Variants in TNFSF4 observed in about 807,000 individuals in gnomAD.
The protein encoded by TNFSF4 is tumor necrosis factor ligand superfamily member 4.
In TNFSF4, 4 loss-of-function variants were observed where a neutral mutation model predicts 7.3. The observed-to-expected ratio is 0.55, with a 90% CI of 0.27 to 1.25. TNFSF4 has a LOEUF of 1.25. TNFSF4 is among the 50% of genes most tolerant of loss of function. The pLI, the probability that TNFSF4 is intolerant of heterozygous loss-of-function variation, is 0.12. For missense variants in TNFSF4, 181 were observed against 208.8 expected (o/e 0.87, Z 0.82); for synonymous variants, 76 against 83.7 (o/e 0.91, Z 0.50).
At chr1:173,313,716 T>C in the TNFSF4 span, among the ~76,000 whole-genome samples, 4 of 152,188 alleles carry the variant, frequency 2.6e-5, no homozygotes, top group Admixed American at 2.0e-4. Context: ...GACTTGTCAA[T>C]TTTCATTACT....
the TNFSF4 span, among the ~76,000 whole-genome samples, chr1:173,311,205 T>C: frequency 4.9e-4 from 75 of 152,154 alleles, no homozygotes; most frequent in East Asian, 0.011. Context: ...ATCATTTGGA[T>C]TGACCATTTT....
At chr1:173,290,319 C>A in the TNFSF4 span, among the ~76,000 whole-genome samples, 102 of 152,248 alleles carry the variant, frequency 6.7e-4, no homozygotes, top group African/African-American at 2.4e-3. Context: ...GGGAGCAAGA[C>A]CCGACTATCT....
At chr1:173,397,618 T>C in the TNFSF4 span, among the ~76,000 whole-genome samples, 1 of 152,208 alleles carries the variant, frequency 6.6e-6, no homozygotes, top group Non-Finnish European at 1.5e-5. Flanking sequence ...AGTTTTGGAA[T>C]GCATAATTGA....
At chr1:173,240,608 T>C in the TNFSF4 span, among the ~76,000 whole-genome samples, 1 of 152,184 alleles carries the variant, frequency 6.6e-6, no homozygotes, top group African/African-American at 2.4e-5. Flanking sequence ...GGTCATCTAG[T>C]TTGCTTCCAA....
the TNFSF4 span, among the ~76,000 whole-genome samples, chr1:173,283,236 A>G: frequency 6.6e-6 from 1 of 152,154 alleles, no homozygotes; most frequent in Non-Finnish European, 1.5e-5. Context: ...CTTTGAATGT[A>G]TATTTCCGGG....
the TNFSF4 span, among the ~76,000 whole-genome samples, chr1:173,386,045 C>T: frequency 6.6e-6 from 1 of 152,066 alleles, no homozygotes; most frequent in Non-Finnish European, 1.5e-5. Context: ...AAAAAGGACC[C>T]CAAGGGCATT....
chr1:173,429,253 T>C, the TNFSF4 span, among the ~76,000 whole-genome samples: 1 of 151,920 alleles, frequency 6.6e-6, no homozygotes, highest in Non-Finnish European at 1.5e-5. Context: ...CTACGAAAAA[T>C]GATTATTTTT....
the TNFSF4 span, among the ~76,000 whole-genome samples, chr1:173,434,171 G>A: frequency 5.3e-5 from 8 of 152,146 alleles, no homozygotes; most frequent in Non-Finnish European, 5.9e-5. Flanking sequence ...CATCTGCTCA[G>A]TTTGTGGTAT....
the TNFSF4 span, among the ~76,000 whole-genome samples, chr1:173,312,593 G>A: frequency 6.6e-6 from 1 of 152,072 alleles, no homozygotes; most frequent in African/African-American, 2.4e-5. Context: ...TGTTGAGGAA[G>A]CCAAATAGAT....
the TNFSF4 span, among the ~76,000 whole-genome samples, chr1:173,421,789 ATTTG>A: frequency 6.6e-6 from 1 of 152,196 alleles, no homozygotes; most frequent in South Asian, 2.1e-4. Context: ...GTCCATCCCA[ATTTG>A]TTCTTCTGGC....
At chr1:173,448,265 T>C in the TNFSF4 span, among the ~76,000 whole-genome samples, 2 of 152,220 alleles carry the variant, frequency 1.3e-5, no homozygotes, top group Non-Finnish European at 1.5e-5. Flanking sequence ...CCAGTTGACA[T>C]AATTTACCTT....
At chr1:173,295,679 C>T in the TNFSF4 span, among the ~76,000 whole-genome samples, 1 of 152,014 alleles carries the variant, frequency 6.6e-6, no homozygotes, top group Non-Finnish European at 1.5e-5. Context: ...TGGAAATTGA[C>T]ATGGAAGCTC....
intron 1 of TNFSF4, among the ~76,000 whole-genome samples, chr1:173,198,898 G>A (rs749272205): frequency 1.3e-5 from 2 of 152,196 alleles, no homozygotes; most frequent in Non-Finnish European, 2.9e-5. Flanking sequence ...ATAGCAGTGG[G>A]ATGAGGATTA....
At chr1:173,328,991 C>T in the TNFSF4 span, among the ~76,000 whole-genome samples, 1 of 152,174 alleles carries the variant, frequency 6.6e-6, no homozygotes, top group Admixed American at 6.5e-5. Flanking sequence ...AATATGTTCA[C>T]TGCAGCATTT....
intron 1 of TNFSF4, among the ~76,000 whole-genome samples, chr1:173,204,300 G>T (rs1418306516): frequency 6.6e-6 from 1 of 152,090 alleles, no homozygotes; most frequent in African/African-American, 2.4e-5. Flanking sequence ...TCATAATACA[G>T]ATTATAAAAA....
the TNFSF4 span, among the ~76,000 whole-genome samples, chr1:173,390,262 T>C: frequency 6.6e-6 from 1 of 152,132 alleles, no homozygotes; most frequent in East Asian, 1.9e-4. Flanking sequence ...ATTTTCTAGT[T>C]CTCCCTGTTC....
chr1:173,267,907 A>AG, the TNFSF4 span, among the ~76,000 whole-genome samples: 2 of 137,688 alleles, frequency 1.5e-5, no homozygotes, highest in Non-Finnish European at 3.2e-5. Context: ...AGAGGAGAGG[A>AG]AAGAGAAGGA....
At chr1:173,210,845 G>A (rs533723343), upstream of TNFSF4, among the ~76,000 whole-genome samples, 3 of 152,290 alleles carry the variant, frequency 2.0e-5, no homozygotes, top group African/African-American at 7.2e-5. Context: ...CACCTCTGCA[G>A]TCAGCTCTCT....
chr1:173,176,398 C>T, the TNFSF4 span, among the ~76,000 whole-genome samples: 1 of 152,092 alleles, frequency 6.6e-6, no homozygotes, highest in Non-Finnish European at 1.5e-5. Context: ...AATATGGACT[C>T]TGAAATCAAA....
Sources: allele counts gnomAD v4.1 joint callset (sites outside exome capture counted in the v4.1 genomes callset), GRCh38; gene constraint gnomAD v4.1.1; transcripts MANE v1.5; gene names NCBI Gene and HGNC (gene_info 2026-07-23, HGNC 2026-07-21).